The following DIAPH3 variants were observed in gnomAD, a reference collection of about 807,000 sequenced individuals.
The protein encoded by DIAPH3 is protein diaphanous homolog 3.
A neutral mutation model predicts 144.3 loss-of-function variants in DIAPH3; 117 were observed. The ratio of observed to expected loss-of-function variants is 0.81; its 90% CI spans 0.70 to 0.95. The LOEUF (loss-of-function observed/expected upper bound fraction) is 0.95. Among genes scored for constraint, DIAPH3 ranks in the 40% least tolerant of loss-of-function variants. DIAPH3 has a pLI of 0.00. For missense variants in DIAPH3, 1,421 were observed against 1,412.7 expected, an observed-to-expected ratio of 1.01 and a Z score of -0.09; for synonymous variants, 519 against 488.9, an observed-to-expected ratio of 1.06 and a Z score of -0.81.
At chr13:59,872,051 A>C (rs2044312882) in intron 21 of DIAPH3, among the ~76,000 whole-genome samples, 1 of 151,978 alleles carries the variant, frequency 6.6e-6, no homozygotes, top group Non-Finnish European at 1.5e-5. Context: ...GATTTTCTCT[A>C]TTAATTTTCT....
chr13:59,793,749 G>A (rs1192365509), intron 25 of DIAPH3, among the ~76,000 whole-genome samples: 3 of 152,198 alleles, frequency 2.0e-5, no homozygotes, highest in East Asian at 1.9e-4. Context: ...AGCAACAAGC[G>A]CTATTCCTGA....
At chr13:59,809,357 C>T (rs1219903648) in intron 25 of DIAPH3, among the ~76,000 whole-genome samples, 1 of 151,964 alleles carries the variant, frequency 6.6e-6, no homozygotes, top group African/African-American at 2.4e-5. Flanking sequence ...CAAAATTAGC[C>T]GGGCATGGTG....
Position 60,015,896 on chromosome 13 carries a change from A to C in DIAPH3, c.771+17T>G, listed in dbSNP as rs968725714. The stretch of plus-strand genomic sequence containing the variant: ...CAAAATTGGTGACGGACAAATACTA[A>C]TTACGTATGTACATACCTGCGTATT... On this transcript the variant is annotated intron_variant, in intron 7 of 27. Coordinates refer to ENST00000400324, the MANE Select transcript of DIAPH3 (RefSeq NM_001042517.2). 2 of 1,595,858 alleles carry C rather than the reference A, an allele frequency of 1.3e-6. No individual in the cohort carries two copies. The highest frequency in any genetic ancestry group is 3.3e-5 in the Admixed American group (2 of 59,944).
chr13:59,725,418 C>T lies in DIAPH3; in HGVS notation c.3319+48771G>A, dbSNP rs73544380. Among the ~76,000 whole-genome samples the T allele has an allele frequency of 8.4e-3, 1,280 of 152,276 alleles. 28 individuals carry two copies. The highest frequency in any genetic ancestry group is 0.029 in the African/African-American group (1,194 of 41,562). On this transcript the variant is annotated intron_variant, in intron 27 of 27. Coordinates refer to ENST00000400324, the MANE Select transcript of DIAPH3 (RefSeq NM_001042517.2). ...GCATGAATTAACCGCTTGTCAACTA[C>T]GGTTTTCCTAATGAATTGTCCTGTT...
At position 59,989,241 on chromosome 13, in the gene DIAPH3, T is replaced by G. The variant is rs144459860; in HGVS notation, c.1361+1917A>C. Among the ~76,000 whole-genome samples, 1,397 of 151,562 alleles carry G rather than the reference T, an allele frequency of 9.2e-3. 8 individuals are homozygous for G. Among genetic ancestry groups the G allele is most frequent in the South Asian group, 0.022 (105 of 4,816 alleles). ...ACCAAAAAAACAACACTCATAGACGTGTACACCAACAAGAGTAAGTTTTAC... is the reference window on the plus strand; with the variant it reads ...ACCAAAAAAACAACACTCATAGACGGGTACACCAACAAGAGTAAGTTTTAC... On this transcript the variant is annotated intron_variant, in intron 12 of 27. Coordinates refer to ENST00000400324, the MANE Select transcript of DIAPH3 (RefSeq NM_001042517.2).
intron 17 of DIAPH3, 118 bp downstream of exon 17, chr13:59,969,826 A>T: frequency 1.7e-6 from 1 of 574,954 alleles, no homozygotes; most frequent in South Asian, 2.6e-5. Flanking sequence ...GCCCATTAGG[A>T]ATGTAAAAAT....
At chr13:59,810,478 T>G (rs933169211) in intron 25 of DIAPH3, among the ~76,000 whole-genome samples, 7 of 152,352 alleles carry the variant, frequency 4.6e-5, no homozygotes, top group Non-Finnish European at 8.8e-5. Context: ...GACAGTTACT[T>G]TATTAACTGA....
At chr13:59,968,999 T>C (rs528910515) in intron 17 of DIAPH3, among the ~76,000 whole-genome samples, 3 of 152,160 alleles carry the variant, frequency 2.0e-5, no homozygotes, top group Admixed American at 6.5e-5. Context: ...GGCATAAGTC[T>C]ATAGTGAAAA....
At chr13:60,108,738 ATAAACT>A (rs1350086721) in intron 3 of DIAPH3, among the ~76,000 whole-genome samples, 1 of 152,182 alleles carries the variant, frequency 6.6e-6, no homozygotes, top group Non-Finnish European at 1.5e-5. Flanking sequence ...CAGGGGGGAA[ATAAACT>A]TAAGAGCTAA....
intron 1 of DIAPH3, among the ~76,000 whole-genome samples, chr13:60,152,958 C>A (rs942678145): frequency 6.6e-6 from 1 of 152,100 alleles, no homozygotes. Context: ...TCTACAGAGG[C>A]CTTCCACAAA....
intron 9 of DIAPH3, among the ~76,000 whole-genome samples, chr13:60,003,405 TGCA>T (rs932610627): frequency 2.6e-5 from 4 of 152,058 alleles, no homozygotes; most frequent in Non-Finnish European, 5.9e-5. Flanking sequence ...TTATGTTGCT[TGCA>T]GCTGAGAAAC....
At chr13:59,754,144 T>C (rs932984574) in intron 27 of DIAPH3, among the ~76,000 whole-genome samples, 1 of 152,190 alleles carries the variant, frequency 6.6e-6, no homozygotes, top group Non-Finnish European at 1.5e-5. Context: ...CTTTCTGCTC[T>C]CTACTTCTGA....
intron 21 of DIAPH3, among the ~76,000 whole-genome samples, chr13:59,868,662 A>G (rs1057045208): frequency 2.0e-5 from 3 of 152,108 alleles, no homozygotes; most frequent in Non-Finnish European, 2.9e-5. Flanking sequence ...CATCACTACA[A>G]TGTTATACAG....
chr13:60,126,864 C>T (rs2059005037), intron 2 of DIAPH3, among the ~76,000 whole-genome samples: 1 of 151,702 alleles, frequency 6.6e-6, no homozygotes, highest in South Asian at 2.1e-4. Flanking sequence ...TGGGATGCAG[C>T]TAAAGCAGAT....
intron 25 of DIAPH3, among the ~76,000 whole-genome samples, chr13:59,779,856 G>A (rs1006541755): frequency 2.0e-5 from 3 of 152,014 alleles, no homozygotes; most frequent in Non-Finnish European, 2.9e-5. Context: ...CTCTTCATTA[G>A]GTATAACATC....
intron 27 of DIAPH3, among the ~76,000 whole-genome samples, chr13:59,697,314 G>C (rs9528029): frequency 1.5e-4 from 22 of 151,670 alleles, no homozygotes; most frequent in African/African-American, 5.1e-4. Flanking sequence ...AAAAAAATTA[G>C]CCGGGCGTGG....
intron 24 of DIAPH3, among the ~76,000 whole-genome samples, chr13:59,831,837 T>C (rs1441303876): frequency 6.6e-6 from 1 of 151,872 alleles, no homozygotes; most frequent in Non-Finnish European, 1.5e-5. Flanking sequence ...TGTATAATAA[T>C]TTATTGAGCA....
chr13:60,045,302 T>C (rs2055993805), intron 4 of DIAPH3, among the ~76,000 whole-genome samples: 1 of 151,808 alleles, frequency 6.6e-6, no homozygotes, highest in South Asian at 2.1e-4. Flanking sequence ...ATCATGCCAT[T>C]TTACTCCAGC....
intron 4 of DIAPH3, among the ~76,000 whole-genome samples, chr13:60,084,876 T>C (rs2670492): frequency 0.56 from 84,451 of 151,962 alleles, 24,015 homozygotes; most frequent in Admixed American, 0.61. Context: ...GGTTAGGAAA[T>C]GGTAATAAGT....
Sources: gnomAD v4.1 joint callset for allele counts (sites outside exome capture counted in the v4.1 genomes callset) on GRCh38, gnomAD v4.1.1 for gene constraint, MANE v1.5 for transcripts, NCBI Gene and HGNC (gene_info 2026-07-23, HGNC 2026-07-21) for gene names.